The following RSU1 variants were observed in gnomAD, a reference collection of about 807,000 sequenced individuals.
RSU1 encodes rsu-1.
Under a neutral mutation model 31.1 loss-of-function variants are expected in RSU1, and 26 were observed. The observed-to-expected ratio is 0.84, with a 90% confidence interval of 0.61 to 1.16. The LOEUF (loss-of-function observed/expected upper bound fraction) is 1.16, where lower values mean the gene tolerates loss of function less well. Among genes scored for constraint, RSU1 ranks in the 50% most tolerant of loss-of-function variants. RSU1 has a pLI of 0.00. For missense variants in RSU1, 320 were observed against 339.1 expected, an observed-to-expected ratio of 0.94 and a Z score of 0.44; for synonymous variants, 164 against 136.3, an observed-to-expected ratio of 1.20 and a Z score of -1.41.
chr10:16,752,405 C>G (rs1836996810), intron 7 of RSU1, 134 bp downstream of exon 7: 2 of 665,386 alleles, frequency 3.0e-6, no homozygotes, highest in East Asian at 5.4e-5. Context: ...ACAAATGGTT[C>G]TCAAATGATC....
At chr10:16,666,291 A>G (rs909742422) in intron 8 of RSU1, among the ~76,000 whole-genome samples, 1 of 152,212 alleles carries the variant, frequency 6.6e-6, no homozygotes, top group African/African-American at 2.4e-5. Context: ...CATCTTTGAA[A>G]TATACACAGA....
chr10:16,616,048 G>A (rs978159672), intron 8 of RSU1, among the ~76,000 whole-genome samples: 1 of 151,940 alleles, frequency 6.6e-6, no homozygotes, highest in African/African-American at 2.4e-5. Context: ...GTCAGAGACA[G>A]GAAAAACCCT....
At chr10:16,776,491 TAA>T (rs35979534) in intron 3 of RSU1, among the ~76,000 whole-genome samples, 42 of 144,590 alleles carry the variant, frequency 2.9e-4, no homozygotes, top group African/African-American at 9.6e-4. Context: ...TAGTGTATAT[TAA>T]AAAAAAAAAA....
intron 7 of RSU1, among the ~76,000 whole-genome samples, chr10:16,716,980 T>G (rs529499200): frequency 6.6e-6 from 1 of 152,206 alleles, no homozygotes; most frequent in Non-Finnish European, 1.5e-5. Context: ...TTTCAGCCAA[T>G]AGGACAAATA....
intron 7 of RSU1, among the ~76,000 whole-genome samples, chr10:16,739,412 T>A (rs10795425): frequency 6.7e-6 from 1 of 149,922 alleles, no homozygotes; most frequent in Non-Finnish European, 1.5e-5. Flanking sequence ...TTCTAACTGG[T>A]GTGAGATGGT....
At chr10:16,778,806 A>T (rs1837594604) in intron 3 of RSU1, among the ~76,000 whole-genome samples, 1 of 152,170 alleles carries the variant, frequency 6.6e-6, no homozygotes, top group South Asian at 2.1e-4. Flanking sequence ...AGAGGCTGGC[A>T]TGGGATGTGG....
rs182089154 is a variant in RSU1, at chr10:16,648,308, G to A, written c.731+46715C>T. Among the ~76,000 whole-genome samples, 3 of 152,120 alleles carry A rather than the reference G, an allele frequency of 2.0e-5. No homozygotes were observed. The East Asian group carries it at 5.8e-4, about 29-fold the overall frequency. On this transcript the variant is annotated intron_variant, in intron 8 of 8. Transcript: ENST00000345264. ...AATGAAGTGTCTTTGAATCACTTTT[G>A]TCTTCCATCTCACAAAGAATGATCA...
chr10:16,727,292 C>T, intron 7 of RSU1: 1 of 328,162 alleles, frequency 3.0e-6, no homozygotes. Flanking sequence ...GACACAAATC[C>T]TCCCAAAGCA....
intron 7 of RSU1, among the ~76,000 whole-genome samples, chr10:16,742,117 G>C (rs1314757266): frequency 6.6e-6 from 1 of 152,110 alleles, no homozygotes; most frequent in Non-Finnish European, 1.5e-5. Flanking sequence ...TACTAGGCGT[G>C]TTAAAATCAC....
At chr10:16,726,269 T>C (rs1321612831) in intron 7 of RSU1, among the ~76,000 whole-genome samples, 1 of 147,612 alleles carries the variant, frequency 6.8e-6, no homozygotes, top group South Asian at 2.1e-4. Flanking sequence ...GAACGTATCT[T>C]TTTTTTTTTT....
chr10:16,649,038 C>T (rs1342743895), intron 8 of RSU1, among the ~76,000 whole-genome samples: 1 of 152,132 alleles, frequency 6.6e-6, no homozygotes, highest in Non-Finnish European at 1.5e-5. Context: ...TAGGAAAAAT[C>T]CATTTAACTA....
intron 2 of RSU1, among the ~76,000 whole-genome samples, chr10:16,806,636 T>C (rs1477845316): frequency 1.3e-5 from 2 of 152,202 alleles, no homozygotes; most frequent in African/African-American, 4.8e-5. Context: ...ATTTCAATCA[T>C]ATTATCTATT....
At chr10:16,595,317 G>A (rs1427503798) in intron 8 of RSU1, among the ~76,000 whole-genome samples, 2 of 152,042 alleles carry the variant, frequency 1.3e-5, no homozygotes, top group Non-Finnish European at 2.9e-5. Context: ...CAGGAAAGCT[G>A]GACACTATGG....
intron 8 of RSU1, among the ~76,000 whole-genome samples, chr10:16,628,659 AC>A (rs1185438400): frequency 1.3e-5 from 2 of 152,216 alleles, no homozygotes; most frequent in African/African-American, 2.4e-5. Flanking sequence ...TATGACACAT[AC>A]GATTTTTTTA....
intron 8 of RSU1, among the ~76,000 whole-genome samples, chr10:16,600,589 C>G (rs1184655821): frequency 6.8e-6 from 1 of 147,806 alleles, no homozygotes; most frequent in East Asian, 2.0e-4. Context: ...GTTTTTGAGA[C>G]AGGGTCTTGC....
chr10:16,795,951 A>G (rs1377524073), intron 2 of RSU1, among the ~76,000 whole-genome samples: 1 of 151,978 alleles, frequency 6.6e-6, no homozygotes, highest in Non-Finnish European at 1.5e-5. Context: ...GTCCGCCTCA[A>G]CCTTCCCCCA....
intron 2 of RSU1, among the ~76,000 whole-genome samples, chr10:16,812,559 T>C (rs1838431153): frequency 6.6e-6 from 1 of 152,200 alleles, no homozygotes; most frequent in South Asian, 2.1e-4. Context: ...ATGGATAGCA[T>C]GTGTTCCAGG....
chr10:16,595,552 A>G (rs1833597083), intron 8 of RSU1, among the ~76,000 whole-genome samples: 1 of 152,136 alleles, frequency 6.6e-6, no homozygotes, highest in South Asian at 2.1e-4. Context: ...AAGTTTCCAT[A>G]TGTCCTAGAC....
intron 8 of RSU1, among the ~76,000 whole-genome samples, chr10:16,622,978 A>C (rs952747079): frequency 6.6e-6 from 1 of 152,236 alleles, no homozygotes; most frequent in Non-Finnish European, 1.5e-5. Context: ...CTTGAAAAAA[A>C]CTGTAATAAT....
Sources: allele counts gnomAD v4.1 joint callset (sites outside exome capture counted in the v4.1 genomes callset), GRCh38; gene constraint gnomAD v4.1.1; transcripts MANE v1.5; gene names NCBI Gene and HGNC (gene_info 2026-07-23, HGNC 2026-07-21).